The following DNAJC3 variants were observed in gnomAD, a reference collection of about 807,000 sequenced individuals.
DNAJC3 encodes dnaJ homolog subfamily C member 3.
DNAJC3 carries 38 observed loss-of-function variants against 68.6 expected under a neutral mutation model. That is an observed-to-expected ratio of 0.55 (90% CI 0.43 to 0.73). DNAJC3 has a LOEUF of 0.73. DNAJC3 is among the 30% of genes least tolerant of loss of function. DNAJC3 has a pLI of 0.00. For synonymous variants in DNAJC3, 203 were observed against 204.0 expected, an observed-to-expected ratio of 1.00 and a Z score of 0.04; for missense variants, 526 against 591.9, an observed-to-expected ratio of 0.89 and a Z score of 1.16.
In DNAJC3 at chr13:95,792,737, A is replaced by G. The variant is rs141572194; in HGVS notation, c.*1707A>G. On this transcript the variant is annotated 3_prime_UTR_variant, in exon 12 of 12. Coordinates refer to ENST00000602402, the MANE Select transcript of DNAJC3 (RefSeq NM_006260.5). ...GCTTTCATTTTGCTTTAATGTTTCA[A>G]TTCAAGCCGGTGTAAAAATAATTTC... 4.6e-5 allele frequency: 7 copies of G among 152,334 alleles called. No homozygotes were observed. In the East Asian group the frequency reaches 1.3e-3, roughly 29 times the overall value. The allele number at this position is 152,334 out of a possible 1,614,324, so 9.4% of individuals were successfully genotyped here.
At chr13:95,778,114 C>T (rs1883338319) in intron 9 of DNAJC3, among the ~76,000 whole-genome samples, 1 of 152,092 alleles carries the variant, frequency 6.6e-6, no homozygotes, top group Admixed American at 6.5e-5. Flanking sequence ...GTGAGCCACA[C>T]ATGCAGCACA....
At chr13:95,745,158 A>C (rs1882264768) in intron 4 of DNAJC3, 1 of 152,248 alleles carries the variant, frequency 6.6e-6, no homozygotes, top group South Asian at 2.1e-4. Context: ...GGGCATACAT[A>C]ATAATGTCAA....
Position 95,709,242 on chromosome 13 carries a change from T to G in DNAJC3, c.98T>G (p.Val33Gly), listed in dbSNP as rs141173699. 17 of 1,566,150 alleles carry G rather than the reference T, an allele frequency of 1.1e-5. No homozygotes were observed. Among genetic ancestry groups the G allele is most frequent in the Admixed American group, 9.2e-5 (5 of 54,294 alleles). ...TTATTTTTAGGTGCTGAATGTGGAG[T>G]AAATGCAGATGTTGAGAAACATCTT... ...DLQYEGAECG[V>G]NADVEKHLEL... Residue 33 changes from valine (V) to glycine (G), a missense_variant, in exon 2 of 12, where the codon GTA becomes GGA. Coordinates refer to ENST00000602402, the MANE Select transcript of DNAJC3 (RefSeq NM_006260.5).
intron 4 of DNAJC3, among the ~76,000 whole-genome samples, chr13:95,732,808 A>G (rs571051872): frequency 2.6e-5 from 4 of 151,890 alleles, no homozygotes; most frequent in South Asian, 2.1e-4. Context: ...TATTGCTACA[A>G]AGTTTCCTCT....
chr13:95,730,866 A>G (rs1398505158), intron 4 of DNAJC3, among the ~76,000 whole-genome samples: 2 of 152,222 alleles, frequency 1.3e-5, no homozygotes, highest in Admixed American at 6.5e-5. Context: ...ATTTTGATAC[A>G]GATATCCTTG....
chr13:95,780,950 G>T (rs1217705421), intron 9 of DNAJC3, among the ~76,000 whole-genome samples: 1 of 152,132 alleles, frequency 6.6e-6, no homozygotes, highest in Non-Finnish European at 1.5e-5. Flanking sequence ...GGTGAGAGAG[G>T]GAGTCGCTTG....
rs1159066845 is a variant in DNAJC3 at position 95,760,177 on chromosome 13, A to G, written c.684A>G (p.Ile228Met). 1 of 1,611,808 alleles carries G rather than the reference A, an allele frequency of 6.2e-7. No individual in the cohort carries two copies. The highest frequency in any genetic ancestry group is 1.1e-5 in the South Asian group (1 of 90,748). Residue 228 changes from isoleucine to methionine, a missense_variant, in exon 6 of 12, where the codon ATA (isoleucine) becomes ATG (methionine). Physicochemically the swap from Ile to Met is conservative, Grantham distance 10. Transcript: ENST00000602402. Reference sequence around the variant, plus strand: ...ATAATACTGAAGCGTTTTATAAAATAAGCACACTGTACTACCAACTAGGAG... The same window carrying G: ...ATAATACTGAAGCGTTTTATAAAATGAGCACACTGTACTACCAACTAGGAG... The part of the protein sequence containing the change: ...KNDNTEAFYK[I>M]STLYYQLGDH...
intron 4 of DNAJC3, among the ~76,000 whole-genome samples, chr13:95,749,383 A>G (rs1331785169): frequency 6.6e-6 from 1 of 152,178 alleles, no homozygotes; most frequent in Non-Finnish European, 1.5e-5. Flanking sequence ...GAGAGATTCA[A>G]ATGTGTTTTC....
intron 1 of DNAJC3, among the ~76,000 whole-genome samples, chr13:95,698,884 A>T (rs935006012): frequency 6.6e-6 from 1 of 152,272 alleles, no homozygotes. Context: ...GACCCACGGC[A>T]TGAAACCTGA....
chr13:95,704,862 T>TTTGTTTTG (rs1242258839), intron 1 of DNAJC3, among the ~76,000 whole-genome samples: 3 of 142,256 alleles, frequency 2.1e-5, no homozygotes, highest in African/African-American at 8.7e-5. Flanking sequence ...TTTTTTTTTT[T>TTTGTTTTG]TTTTTTTGAG....
chr13:95,714,683 G>A (rs141451065), intron 2 of DNAJC3, among the ~76,000 whole-genome samples: 20 of 152,262 alleles, frequency 1.3e-4, no homozygotes, highest in African/African-American at 4.3e-4. Flanking sequence ...TATTTTTCTG[G>A]TGATTCAAAC....
At position 95,791,160 on chromosome 13, in the gene DNAJC3, G is replaced by C. The variant is rs1187429092; in HGVS notation, c.*130G>C. 17 of 1,060,298 alleles carry C rather than the reference G, an allele frequency of 1.6e-5. No homozygotes were observed. Among genetic ancestry groups the C allele is most frequent in the Non-Finnish European group, 2.3e-5 (17 of 736,816 alleles). 65.7% of individuals were successfully genotyped at this position (1,060,298 alleles called of 1,614,324 possible). A position where few individuals can be genotyped will look rare whatever the true frequency, so the allele number is the denominator to read the frequency against. On this transcript the variant is annotated 3_prime_UTR_variant, in exon 12 of 12. Transcript: ENST00000602402. ...CATGACCAAAGAGTTGCTTTAATAG[G>C]AAAAAATCTGTTCTTATCCCTGTCA...
At chr13:95,775,536 C>T (rs1287704379) in intron 9 of DNAJC3, among the ~76,000 whole-genome samples, 3 of 152,128 alleles carry the variant, frequency 2.0e-5, no homozygotes, top group Non-Finnish European at 4.4e-5. Context: ...GATAGCATCT[C>T]GATTGTATAC....
At chr13:95,690,842 T>C (rs1880221465) in intron 1 of DNAJC3, among the ~76,000 whole-genome samples, 1 of 124,176 alleles carries the variant, frequency 8.1e-6, no homozygotes, top group African/African-American at 3.1e-5. Context: ...GCAGAGGGGC[T>C]CCTCACTTCC....
intron 1 of DNAJC3, among the ~76,000 whole-genome samples, chr13:95,701,134 G>C (rs1484615434): frequency 1.3e-5 from 2 of 152,138 alleles, no homozygotes; most frequent in Non-Finnish European, 2.9e-5. Flanking sequence ...ATCCCCCGAG[G>C]GCTGTCCAGT....
intron 1 of DNAJC3, among the ~76,000 whole-genome samples, chr13:95,691,121 G>C (rs544675827): frequency 1.4e-5 from 2 of 148,080 alleles, no homozygotes; most frequent in African/African-American, 5.0e-5. Flanking sequence ...CTTCCCAGAC[G>C]GAGCGGCTGG....
In DNAJC3 at chr13:95,732,347, C is replaced by G. The variant is rs576182171; in HGVS notation, c.393+7095C>G. Reference sequence around the variant, plus strand: ...GGGAGACTTTAATTACTGATTTAATCTTGTTACTGGTCTATTCAGGTTTTC... The same window carrying G: ...GGGAGACTTTAATTACTGATTTAATGTTGTTACTGGTCTATTCAGGTTTTC... On this transcript the variant is annotated intron_variant, in intron 4 of 11. Transcript: ENST00000602402. Among the ~76,000 whole-genome samples the G allele has an allele frequency of 1.9e-4, 29 of 152,234 alleles. No homozygotes were observed. The South Asian group carries it at 5.0e-3, about 26-fold the overall frequency.
chr13:95,725,920 C>T (rs12385875), intron 4 of DNAJC3, among the ~76,000 whole-genome samples: 69 of 147,436 alleles, frequency 4.7e-4, no homozygotes, highest in African/African-American at 8.3e-4. Context: ...TGAGAACATG[C>T]GGTGTTTGGT....
At chr13:95,756,110 C>T (rs1358804882) in intron 4 of DNAJC3, among the ~76,000 whole-genome samples, 1 of 152,172 alleles carries the variant, frequency 6.6e-6, no homozygotes, top group Non-Finnish European at 1.5e-5. Flanking sequence ...AAATACGATC[C>T]TGAAGAGGCA....
Sources: gnomAD v4.1 joint callset for allele counts (sites outside exome capture counted in the v4.1 genomes callset) on GRCh38, gnomAD v4.1.1 for gene constraint, MANE v1.5 for transcripts, NCBI Gene and HGNC (gene_info 2026-07-23, HGNC 2026-07-21) for gene names.